TDRP: variants seen among roughly 807,000 people sequenced by gnomAD.
TDRP encodes the protein testis development related protein, also known as testis development-related protein.
TDRP carries 12 observed loss-of-function variants against 10.5 expected under a neutral mutation model. The observed-to-expected ratio is 1.15, with a 90% CI of 0.73 to 1.86. The LOEUF (loss-of-function observed/expected upper bound fraction) is 1.86. Ranked by LOEUF, TDRP falls within the 40% of genes most tolerant of loss-of-function variation. The pLI is 0.00. For missense variants in TDRP, 353 were observed against 229.2 expected (o/e 1.54, Z -3.49); for synonymous variants, 139 against 95.4 (o/e 1.46, Z -2.67).
intron 1 of TDRP, 137 bp from the exon 2 acceptor site, chr8:494,734 C>T (rs184667859): frequency 5.2e-5 from 37 of 713,006 alleles, no homozygotes; most frequent in Non-Finnish European, 7.4e-5. Flanking sequence ...CATACCTGTG[C>T]GCACATAGTT....
chr8:503,518 G>A (rs781370624), intron 1 of TDRP, among the ~76,000 whole-genome samples: 9 of 150,140 alleles, frequency 6.0e-5, no homozygotes, highest in Non-Finnish European at 1.0e-4. Context: ...ACACCAACAC[G>A]GAATCCAGAG....
chr8:532,135 A>G (rs953210698), intron 1 of TDRP, among the ~76,000 whole-genome samples: 1 of 152,214 alleles, frequency 6.6e-6, no homozygotes, highest in Non-Finnish European at 1.5e-5. Flanking sequence ...GCTCTCATCC[A>G]TAGGGTGAAA....
chr8:521,533 G>C (rs547936766), intron 1 of TDRP, among the ~76,000 whole-genome samples: 33 of 152,308 alleles, frequency 2.2e-4, no homozygotes, highest in African/African-American at 6.7e-4. Context: ...CCCTGTTTAA[G>C]ATCATGTGAC....
At position 531,504 on chromosome 8, in the gene TDRP, A is replaced by G. The variant is rs529803816; in HGVS notation, c.108+13146T>C. 1.8e-4 allele frequency among the ~76,000 whole-genome samples: 28 copies of G among 152,304 alleles called. No homozygotes were observed. In the East Asian group the frequency reaches 5.2e-3, roughly 28 times the overall value. ...GAAGGGAATGTCAGAAGGAAACTGA[A>G]TTGTAGGACACCCAGCTGGTACTGA... is the stretch of plus-strand genomic sequence containing the variant. On this transcript the variant is annotated intron_variant, in intron 1 of 2. Transcript: ENST00000324079.
intron 1 of TDRP, among the ~76,000 whole-genome samples, chr8:522,198 C>A (rs1038479454): frequency 6.6e-6 from 1 of 152,168 alleles, no homozygotes; most frequent in African/African-American, 2.4e-5. Context: ...ATCCTCTAAA[C>A]GTTTATGTCA....
chr8:536,268 G>C (rs1334006375), intron 1 of TDRP, among the ~76,000 whole-genome samples: 1 of 152,192 alleles, frequency 6.6e-6, no homozygotes, highest in African/African-American at 2.4e-5. Context: ...CAAGCAAGTA[G>C]AAGAATCCAC....
intron 1 of TDRP, among the ~76,000 whole-genome samples, chr8:540,891 C>T (rs1802473774): frequency 1.3e-5 from 2 of 150,572 alleles, no homozygotes; most frequent in Admixed American, 1.3e-4. Context: ...GAATGCCTTT[C>T]TAGAATCAAG....
At chr8:536,315 G>T (rs773522820) in intron 1 of TDRP, among the ~76,000 whole-genome samples, 26 of 152,338 alleles carry the variant, frequency 1.7e-4, no homozygotes, top group African/African-American at 4.1e-4. Flanking sequence ...TCTGGGAGAA[G>T]ATTCTAGAGC....
intron 1 of TDRP, among the ~76,000 whole-genome samples, chr8:530,277 TCA>T (rs1452087498): frequency 2.0e-5 from 3 of 152,342 alleles, no homozygotes; most frequent in Non-Finnish European, 4.4e-5. Flanking sequence ...CTCTGTTCTC[TCA>T]CAGCATACTA....
intron 1 of TDRP, among the ~76,000 whole-genome samples, chr8:502,302 G>C (rs1801326924): frequency 6.6e-6 from 1 of 152,220 alleles, no homozygotes; most frequent in African/African-American, 2.4e-5. Context: ...ACCCAGTCCT[G>C]ACATCCAAGT....
intron 1 of TDRP, among the ~76,000 whole-genome samples, chr8:500,945 A>C (rs139588971): frequency 2.6e-5 from 4 of 152,062 alleles, no homozygotes; most frequent in Admixed American, 2.0e-4. Context: ...GGTGTCTCAC[A>C]CCTGTAATCC....
intron 1 of TDRP, among the ~76,000 whole-genome samples, chr8:514,452 C>T (rs879036997): frequency 2.0e-5 from 3 of 152,192 alleles, no homozygotes; most frequent in South Asian, 2.1e-4. Flanking sequence ...ACCAAGGGAA[C>T]TGCCACCCAC....
intron 2 of TDRP, among the ~76,000 whole-genome samples, chr8:493,187 C>T (rs947599409): frequency 6.6e-6 from 1 of 152,098 alleles, no homozygotes; most frequent in Non-Finnish European, 1.5e-5. Flanking sequence ...GTAATTTACT[C>T]AACAAAAATA....
intron 1 of TDRP, among the ~76,000 whole-genome samples, chr8:529,673 A>C (rs1229238912): frequency 6.6e-6 from 1 of 152,194 alleles, no homozygotes; most frequent in Non-Finnish European, 1.5e-5. Context: ...TATTTTTAAC[A>C]ACACTTGAAC....
chr8:504,260 G>C (rs954426135), intron 1 of TDRP, among the ~76,000 whole-genome samples: 1 of 152,180 alleles, frequency 6.6e-6, no homozygotes, highest in African/African-American at 2.4e-5. Context: ...AACAAACGGA[G>C]GACTGGCCTC....
intron 2 of TDRP, among the ~76,000 whole-genome samples, chr8:493,609 T>C (rs1487585960): frequency 3.3e-5 from 5 of 152,268 alleles, no homozygotes; most frequent in African/African-American, 7.2e-5. Flanking sequence ...ATTGGTAATA[T>C]CATTGGGTAG....
intron 1 of TDRP, among the ~76,000 whole-genome samples, chr8:523,341 G>A (rs1584874284): frequency 6.6e-6 from 1 of 152,224 alleles, no homozygotes; most frequent in East Asian, 1.9e-4. Flanking sequence ...GAATGGAGGT[G>A]GAGTAAGATG....
chr8:529,344 C>A (rs1007007797), intron 1 of TDRP, among the ~76,000 whole-genome samples: 1 of 152,144 alleles, frequency 6.6e-6, no homozygotes, highest in Non-Finnish European at 1.5e-5. Flanking sequence ...TATCTATTAA[C>A]ATAGTTTTAG....
intron 1 of TDRP, among the ~76,000 whole-genome samples, chr8:516,090 G>A (rs1339768301): frequency 2.0e-5 from 3 of 152,130 alleles, no homozygotes; most frequent in Non-Finnish European, 2.9e-5. Flanking sequence ...CTGAATGGAT[G>A]GCTGAACATT....
Sources: allele counts gnomAD v4.1 joint callset (sites outside exome capture counted in the v4.1 genomes callset), GRCh38; gene constraint gnomAD v4.1.1; transcripts MANE v1.5; gene names NCBI Gene and HGNC (gene_info 2026-07-23, HGNC 2026-07-21).